The following PTGR1 variants were observed in gnomAD, a reference collection of about 807,000 sequenced individuals.
The protein encoded by PTGR1 is prostaglandin reductase 1.
PTGR1 carries 23 observed loss-of-function variants against 37.7 expected under a neutral mutation model. The observed-to-expected ratio is 0.61, with a 90% CI of 0.44 to 0.86. The LOEUF (loss-of-function observed/expected upper bound fraction) is 0.86, where lower values mean the gene tolerates loss of function less well. PTGR1 is among the 40% of genes least tolerant of loss of function. The pLI, the probability that PTGR1 is intolerant of heterozygous loss-of-function variation, is 0.00. For synonymous variants in PTGR1, 134 were observed against 140.0 expected, an observed-to-expected ratio of 0.96 and a Z score of 0.30; for missense variants, 351 against 394.3, an observed-to-expected ratio of 0.89 and a Z score of 0.93.
chr9:111,583,644 T>G, intron 5 of PTGR1, 55 bp from the exon 6 acceptor site: 2 of 1,383,946 alleles, frequency 1.4e-6, no homozygotes, highest in Non-Finnish European at 2.1e-6. Context: ...CCTCTATAAC[T>G]CATTTATATA....
chr9:111,558,430 C>T (rs967831226), downstream of PTGR1, among the ~76,000 whole-genome samples: 7 of 152,110 alleles, frequency 4.6e-5, no homozygotes, highest in African/African-American at 1.7e-4. Context: ...GTTGTCTCAG[C>T]TAGTTGGGAG....
chr9:111,570,747 C>T (rs773842368), intron 8 of PTGR1, among the ~76,000 whole-genome samples: 12 of 152,104 alleles, frequency 7.9e-5, no homozygotes, highest in Middle Eastern at 3.4e-3. Context: ...CCACCGCACT[C>T]CAGTCTGGGT....
At chr9:111,582,123 G>A (rs10817190) in intron 6 of PTGR1, among the ~76,000 whole-genome samples, 19,359 of 151,812 alleles carry the variant, frequency 0.13, 1,516 homozygotes, top group African/African-American at 0.21. Flanking sequence ...ACCAATAAAT[G>A]GAAAACAAAG....
At chr9:111,594,306 A>C in intron 2 of PTGR1, 39 bp from the exon 3 acceptor site, 1 of 1,567,560 alleles carries the variant, frequency 6.4e-7, no homozygotes, top group Non-Finnish European at 8.8e-7. Flanking sequence ...TAGAAACTCA[A>C]GGCCTGAGAG....
chr9:111,596,517 G>A (rs1468600301), intron 2 of PTGR1, among the ~76,000 whole-genome samples: 5 of 151,638 alleles, frequency 3.3e-5, no homozygotes, highest in East Asian at 1.9e-4. Flanking sequence ...TTGGGAGGCC[G>A]AGGCAGGTGG....
chr9:111,588,732 C>T (rs1829517953), intron 4 of PTGR1, among the ~76,000 whole-genome samples: 1 of 151,604 alleles, frequency 6.6e-6, no homozygotes, highest in East Asian at 2.0e-4. Flanking sequence ...CACCATGTTG[C>T]CCAGGCTAGT....
intron 6 of PTGR1, among the ~76,000 whole-genome samples, 155 bp downstream of exon 6, chr9:111,583,317 A>G (rs1829333471): frequency 6.6e-6 from 1 of 152,234 alleles, no homozygotes; most frequent in Non-Finnish European, 1.5e-5. Context: ...TATCTTTGGT[A>G]TAGTTTTCCC....
At chr9:111,556,078 G>T (rs1047448474) in intron 9 of PTGR1, among the ~76,000 whole-genome samples, 3 of 152,240 alleles carry the variant, frequency 2.0e-5, no homozygotes, top group Non-Finnish European at 2.9e-5. Context: ...TACAGACACT[G>T]GGTAAATGCT....
intron 6 of PTGR1, among the ~76,000 whole-genome samples, 154 bp from the exon 7 acceptor site, chr9:111,579,105 C>T (rs1182913590): frequency 6.6e-6 from 1 of 151,330 alleles, no homozygotes. Context: ...CCAACAGATC[C>T]CATAGGTGAA....
downstream of PTGR1, among the ~76,000 whole-genome samples, chr9:111,560,729 G>A (rs1439832325): frequency 6.7e-6 from 1 of 148,288 alleles, no homozygotes; most frequent in African/African-American, 2.5e-5. Flanking sequence ...GGATCACAAG[G>A]TCAGGAGTTC....
chr9:111,559,489 A>T (rs558321574), downstream of PTGR1, among the ~76,000 whole-genome samples: 12 of 152,202 alleles, frequency 7.9e-5, no homozygotes, highest in Admixed American at 7.2e-4. Flanking sequence ...AAACCCTGCT[A>T]TGACTCAAGC....
At chr9:111,588,095 C>T (rs1012455048) in intron 4 of PTGR1, among the ~76,000 whole-genome samples, 18 of 149,826 alleles carry the variant, frequency 1.2e-4, no homozygotes, top group African/African-American at 4.4e-4. Context: ...CTCACTGCAA[C>T]CTCAACCTCC....
At chr9:111,554,910 A>T (rs1048207614) in intron 9 of PTGR1, among the ~76,000 whole-genome samples, 1 of 152,120 alleles carries the variant, frequency 6.6e-6, no homozygotes, top group Non-Finnish European at 1.5e-5. Flanking sequence ...TTTGAGTGTG[A>T]CCTACTTTTT....
chr9:111,594,834 G>A (rs1469515743), intron 2 of PTGR1, among the ~76,000 whole-genome samples: 1 of 146,702 alleles, frequency 6.8e-6, no homozygotes, highest in Non-Finnish European at 1.5e-5. Flanking sequence ...ACAAGCGTGA[G>A]CCACTGCGAC....
intron 7 of PTGR1, among the ~76,000 whole-genome samples, chr9:111,575,728 C>G (rs1483311428): frequency 6.6e-6 from 1 of 152,156 alleles, no homozygotes; most frequent in Non-Finnish European, 1.5e-5. Context: ...CTTCCTTATA[C>G]TACACACAAA....
intron 9 of PTGR1, among the ~76,000 whole-genome samples, chr9:111,556,084 A>G (rs1428686282): frequency 6.6e-6 from 1 of 152,250 alleles, no homozygotes; most frequent in Non-Finnish European, 1.5e-5. Flanking sequence ...CACTGGGTAA[A>G]TGCTCCCATT....
intron 2 of PTGR1, among the ~76,000 whole-genome samples, chr9:111,595,267 T>TTAA (rs889007188): frequency 1.5e-3 from 225 of 152,060 alleles, no homozygotes; most frequent in African/African-American, 5.1e-3. Flanking sequence ...CCCAGCCCAG[T>TTAA]TAATAATAAT....
In PTGR1 at chr9:111,555,676, AAG is replaced by A. The variant is rs565663100; in HGVS notation, c.880-5879_880-5878del. On this transcript the variant is annotated intron_variant, in intron 9 of 9. Transcript: ENST00000538962. ...TCACATGGCAGCAGGGGAGAGCAAA[AAG>A]GGGGAAGTGCTACACACTTCTAAAC... Among the ~76,000 whole-genome samples, 632 of 152,228 alleles carry A rather than the reference AAG, an allele frequency of 4.2e-3. 3 individuals carry two copies. Among genetic ancestry groups the A allele is most frequent in the African/African-American group, 0.014 (597 of 41,548 alleles).
intron 9 of PTGR1, chr9:111,563,482 C>A (rs567121204): frequency 5.8e-6 from 2 of 346,378 alleles, no homozygotes; most frequent in East Asian, 4.6e-5. Context: ...TGTCATAAGG[C>A]AGTGATTAAG....
Sources: allele counts gnomAD v4.1 joint callset (sites outside exome capture counted in the v4.1 genomes callset), GRCh38; gene constraint gnomAD v4.1.1; transcripts MANE v1.5; gene names NCBI Gene and HGNC (gene_info 2026-07-23, HGNC 2026-07-21).